Variants in AMTN observed in about 807,000 individuals in gnomAD.
The protein encoded by AMTN is RSTI689.
Under a neutral mutation model 27.4 loss-of-function variants are expected in AMTN, and 29 were observed. The observed-to-expected ratio is 1.06, with a 90% confidence interval of 0.79 to 1.44. The LOEUF is 1.44. Among genes scored for constraint, AMTN ranks in the 40% most tolerant of loss-of-function variants. The pLI is 0.00. For missense variants in AMTN, 247 were observed against 248.8 expected (o/e 0.99, Z 0.05); for synonymous variants, 86 against 95.7 (o/e 0.90, Z 0.59).
chr4:70,529,123 T>C (rs1471837986), intron 6 of AMTN, 61 bp from the exon 7 acceptor site: 1 of 1,361,208 alleles, frequency 7.3e-7, no homozygotes. Flanking sequence ...ATATTATACA[T>C]ATATTACTAC....
At chr4:70,521,415 GA>G (rs57231726) in intron 2 of AMTN, among the ~76,000 whole-genome samples, 3 of 142,612 alleles carry the variant, frequency 2.1e-5, no homozygotes, top group African/African-American at 7.8e-5. Flanking sequence ...AGAAAGAAAA[GA>G]AAAAAAATTG....
Position 70,531,050 on chromosome 4 carries a change from C to T in AMTN, c.369C>T (p.Phe123=). 1.2e-6 allele frequency: 2 copies of T among 1,613,830 alleles called. No individual in the cohort carries two copies. Among genetic ancestry groups the T allele is most frequent in the Non-Finnish European group, 1.7e-6 (2 of 1,179,832 alleles). Residue 123 remains phenylalanine, a synonymous_variant, in exon 8 of 9, where the codon TTC becomes TTT. Transcript: ENST00000339336. ...TTCCCTCATTCCAGCCACAAATCTT[C>T]ACGAGCCTCATCATCCATTCCTTGT... ...ILSSEELPQI[F]TSLIIHSLFP...
chr4:70,520,226 A>G (rs1735925470), intron 2 of AMTN, among the ~76,000 whole-genome samples: 1 of 152,220 alleles, frequency 6.6e-6, no homozygotes, highest in East Asian at 1.9e-4. Context: ...CAATGAGAGC[A>G]GCTAGAGAGC....
Position 70,528,728 on chromosome 4 carries a change from AC to A in AMTN, c.302del (p.Pro101GlnfsTer14). 6.2e-7 allele frequency: 1 copy of A among 1,607,688 alleles called. No homozygotes were observed. Among genetic ancestry groups the A allele is most frequent in the South Asian group, 1.1e-5 (1 of 89,802 alleles). The part of the protein sequence containing the change: ...VQQQLHPHVL[P>X]IFVTQLGAQG... ...TTTTTCTCTCATTTTTTCAGGTGTTACCAATTTTTGTCACACAACTTGGAGC... is the reference window on the plus strand; with the variant it reads ...TTTTTCTCTCATTTTTTCAGGTGTTACAATTTTTGTCACACAACTTGGAGC... On this transcript the variant is annotated frameshift_variant, in exon 6 of 9. Coordinates refer to ENST00000339336, the MANE Select transcript of AMTN (RefSeq NM_212557.4). LOFTEE classifies it high-confidence loss of function.
At position 70,521,209 on chromosome 4, in the gene AMTN, T is replaced by C. The variant is rs576506287; in HGVS notation, c.55-1546T>C. On this transcript the variant is annotated intron_variant, in intron 2 of 8. Transcript: ENST00000339336. Reference sequence around the variant, plus strand: ...GCCTGACCAATATGGTGAAACACCGTCCCTACTAAAAATACAAAAAATTAG... The same window carrying C: ...GCCTGACCAATATGGTGAAACACCGCCCCTACTAAAAATACAAAAAATTAG... 3.3e-5 allele frequency among the ~76,000 whole-genome samples: 5 copies of C among 151,902 alleles called. No homozygotes were observed. In the East Asian group the frequency reaches 9.7e-4, roughly 30 times the overall value.
chr4:70,526,270 A>T (rs779238984), intron 5 of AMTN, among the ~76,000 whole-genome samples: 12 of 152,162 alleles, frequency 7.9e-5, no homozygotes, highest in Non-Finnish European at 1.8e-4. Context: ...GTTTTGTAAC[A>T]TGCTTTTTTC....
At chr4:70,531,623 A>G (rs1299517947) in intron 8 of AMTN, among the ~76,000 whole-genome samples, 2 of 151,962 alleles carry the variant, frequency 1.3e-5, no homozygotes, top group Non-Finnish European at 2.9e-5. Flanking sequence ...AGCGATTCTC[A>G]TGCCTCAGCC....
chr4:70,524,765 G>A, intron 4 of AMTN, 107 bp from the exon 5 acceptor site: 1 of 1,014,972 alleles, frequency 9.9e-7, no homozygotes, highest in Non-Finnish European at 1.5e-6. Context: ...TATTTACATA[G>A]CAACTCCTTC....
At chr4:70,522,604 T>G (rs1173402822) in intron 2 of AMTN, 151 bp from the exon 3 acceptor site, 10 of 774,116 alleles carry the variant, frequency 1.3e-5, no homozygotes, top group Non-Finnish European at 2.3e-6. Context: ...TGTCCTACCA[T>G]GCACATAATG....
At chr4:70,530,438 T>C (rs1381963818) in intron 7 of AMTN, among the ~76,000 whole-genome samples, 1 of 152,188 alleles carries the variant, frequency 6.6e-6, no homozygotes, top group African/African-American at 2.4e-5. Context: ...TTTCAATATC[T>C]CTTAAATGTA....
intron 7 of AMTN, among the ~76,000 whole-genome samples, 161 bp downstream of exon 7, chr4:70,529,371 TG>T (rs1736166904): frequency 6.6e-6 from 1 of 152,198 alleles, no homozygotes; most frequent in East Asian, 1.9e-4. Flanking sequence ...TTTCTTTGTT[TG>T]GGGATTTCAT....
chr4:70,518,837 T>C lies in AMTN; in HGVS notation c.54+6T>C, dbSNP rs761787954. Reference sequence around the variant, plus strand: ...GATCAACTCGGTCATTACCAGTAAGTATGTTATGTTTGTTTTATATGCCAG... The same window carrying C: ...GATCAACTCGGTCATTACCAGTAAGCATGTTATGTTTGTTTTATATGCCAG... On this transcript the variant is annotated splice_donor_region_variant and intron_variant, in intron 2 of 8. Transcript: ENST00000339336. The C allele has an allele frequency of 1.9e-6, 3 of 1,606,258 alleles. No individual in the cohort carries two copies. Among genetic ancestry groups the C allele is most frequent in the Middle Eastern group, 1.7e-4 (1 of 6,044 alleles).
In AMTN at chr4:70,524,906, A is replaced by C. The variant is rs1439194737; in HGVS notation, c.239A>C (p.Gln80Pro). 1 of 1,613,958 alleles carries C rather than the reference A, an allele frequency of 6.2e-7. No homozygotes were observed. The highest frequency in any genetic ancestry group is 1.3e-5 in the African/African-American group (1 of 74,934). ...GCTGCAGGAATGACACCTGGTACCC[A>C]GACCCACCCATTGACCCTGGGAGGG... ...NPAAGMTPGTQTHPLTLGGLN... is the reference protein window; with the variant it reads ...NPAAGMTPGTPTHPLTLGGLN... The change falls in exon 5 of 9, where the codon CAG (glutamine) becomes CCG (proline). Residue 80 changes from glutamine (Q) to proline (P), a missense_variant. Physicochemically the swap from Gln to Pro is moderately conservative, Grantham distance 76. Transcript: ENST00000339336.
chr4:70,529,349 A>T, intron 7 of AMTN, 139 bp downstream of exon 7: 1 of 496,464 alleles, frequency 2.0e-6, no homozygotes, highest in Non-Finnish European at 3.4e-6. Flanking sequence ...AGTTCCTTAC[A>T]TTAGATTATC....
chr4:70,524,899 GGT>G lies in AMTN; in HGVS notation c.233_234del (p.Gly78AspfsTer67). 1.2e-6 allele frequency: 2 copies of G among 1,613,980 alleles called. No homozygotes were observed. The highest frequency in any genetic ancestry group is 1.7e-6 in the Non-Finnish European group (2 of 1,179,960). On this transcript the variant is annotated frameshift_variant, in exon 5 of 9. Coordinates refer to ENST00000339336, the MANE Select transcript of AMTN (RefSeq NM_212557.4). LOFTEE classifies it high-confidence loss of function. ...AAATCCTGCTGCAGGAATGACACCTGGTACCCAGACCCACCCATTGACCCTGG... is the reference window on the plus strand; with the variant it reads ...AAATCCTGCTGCAGGAATGACACCTGACCCAGACCCACCCATTGACCCTGG... ...LLNPAAGMTP[G>X]TQTHPLTLGG...
intron 3 of AMTN, among the ~76,000 whole-genome samples, chr4:70,523,404 C>T (rs948646027): frequency 2.0e-5 from 3 of 152,172 alleles, no homozygotes; most frequent in Admixed American, 1.3e-4. Context: ...CTGTGAAGGG[C>T]CATGGCTTAC....
chr4:70,529,649 C>G (rs1403685649), intron 7 of AMTN, among the ~76,000 whole-genome samples: 1 of 152,134 alleles, frequency 6.6e-6, no homozygotes, highest in Non-Finnish European at 1.5e-5. Context: ...GATAAATGAA[C>G]TCTTTCCTAC....
intron 5 of AMTN, among the ~76,000 whole-genome samples, chr4:70,526,458 T>G (rs1250533050): frequency 6.6e-6 from 1 of 152,184 alleles, no homozygotes; most frequent in Non-Finnish European, 1.5e-5. Context: ...ACTAAGTCTA[T>G]GATATTCCAA....
At chr4:70,519,814 T>C (rs913265987) in intron 2 of AMTN, among the ~76,000 whole-genome samples, 1 of 152,080 alleles carries the variant, frequency 6.6e-6, no homozygotes, top group Non-Finnish European at 1.5e-5. Context: ...TGATTATTTA[T>C]GTGAAGGAAA....
Sources: gnomAD v4.1 joint callset for allele counts (sites outside exome capture counted in the v4.1 genomes callset) on GRCh38, gnomAD v4.1.1 for gene constraint, MANE v1.5 for transcripts, NCBI Gene and HGNC (gene_info 2026-07-23, HGNC 2026-07-21) for gene names.